The following RBM39 variants were observed in gnomAD, a reference collection of about 807,000 sequenced individuals.
RBM39 encodes the protein RNA-binding protein 39.
RBM39 carries 12 observed loss-of-function variants against 79.6 expected under a neutral mutation model. The ratio of observed to expected loss-of-function variants is 0.15; its 90% confidence interval spans 0.10 to 0.24. RBM39 has a LOEUF of 0.24. Ranked by LOEUF, RBM39 falls within the 10% of genes least tolerant of loss-of-function variation. RBM39 has a pLI of 1.00. For synonymous variants in RBM39, 185 were observed against 208.4 expected, an observed-to-expected ratio of 0.89 and a Z score of 0.97; for missense variants, 243 against 653.4, an observed-to-expected ratio of 0.37 and a Z score of 6.85.
intron 8 of RBM39, among the ~76,000 whole-genome samples, chr20:35,723,681 G>A (rs1435815244): frequency 6.6e-5 from 10 of 151,912 alleles, no homozygotes; most frequent in Non-Finnish European, 4.4e-5. Flanking sequence ...CAGGTGATCC[G>A]CCCGCCTCAA....
chr20:35,714,141 A>G, intron 11 of RBM39, 44 bp downstream of exon 11: 1 of 1,582,186 alleles, frequency 6.3e-7, no homozygotes, highest in Non-Finnish European at 8.7e-7. Flanking sequence ...CTTTTCCACT[A>G]CAATACCCAC....
At chr20:35,704,629 C>T (rs751756762) in intron 16 of RBM39, 39 bp downstream of exon 16, 2 of 1,610,386 alleles carry the variant, frequency 1.2e-6, no homozygotes, top group East Asian at 2.2e-5. Flanking sequence ...CATTATAGAG[C>T]CTTAATAACA....
chr20:35,714,515 G>A, intron 10 of RBM39, 126 bp from the exon 11 acceptor site: 5 of 1,315,888 alleles, frequency 3.8e-6, no homozygotes, highest in Non-Finnish European at 5.0e-6. Context: ...GGTAGAAACT[G>A]CAAGCTGTAA....
rs759627336 is a variant in RBM39 at position 35,725,213 on chromosome 20, T to A, written c.417-58A>T. The A allele has an allele frequency of 2.5e-6, 3 of 1,218,170 alleles. No homozygotes were observed. In the East Asian group the frequency reaches 7.7e-5, roughly 31 times the overall value. 75.5% of individuals were successfully genotyped at this position (1,218,170 alleles called of 1,614,324 possible). On this transcript the variant is annotated intron_variant, in intron 6 of 16. Transcript: ENST00000253363. ...ATAACAGATTTTAAAATAATTTTTATCTTTTTTATTTCTTCATATAGTTCA... is the reference window on the plus strand; with the variant it reads ...ATAACAGATTTTAAAATAATTTTTAACTTTTTTATTTCTTCATATAGTTCA...
intron 10 of RBM39, among the ~76,000 whole-genome samples, chr20:35,715,059 C>CA (rs1214141529): frequency 6.6e-6 from 1 of 152,152 alleles, no homozygotes; most frequent in Non-Finnish European, 1.5e-5. Context: ...GATTTGCTAT[C>CA]AACATAGCAA....
chr20:35,741,047 TTTTTGAGACGGAG>T (rs2040468759), intron 1 of RBM39, among the ~76,000 whole-genome samples, 160 bp from the exon 2 acceptor site: 1 of 137,118 alleles, frequency 7.3e-6, no homozygotes, highest in African/African-American at 2.7e-5. Context: ...TTTTTTTTTT[TTTTTGAGACGGAG>T]TTTCGCTCTA....
In RBM39 at chr20:35,702,194, A is replaced by T. The variant is rs1321262045; in HGVS notation, c.*2287T>A. The T allele has an allele frequency of 6.6e-6, 1 of 152,222 alleles. No individual in the cohort carries two copies. The highest frequency in any genetic ancestry group is 2.4e-5 in the African/African-American group (1 of 41,460). The allele number at this position is 152,222 out of a possible 1,614,324, so 9.4% of individuals were successfully genotyped here. On this transcript the variant is annotated 3_prime_UTR_variant, in exon 17 of 17. Transcript: ENST00000253363. ...AAACAGAACTTTCAAAGATGGTAGT[A>T]ATTATTATAAAGATAAAAGAAAACT...
rs960717952 is a variant in RBM39, at chr20:35,740,892, G to A, written c.-13-5C>T. On this transcript the variant is annotated splice_region_variant and splice_polypyrimidine_tract_variant and intron_variant, in intron 1 of 16. Coordinates refer to ENST00000253363, the MANE Select transcript of RBM39 (RefSeq NM_184234.3). ...TCTGCCATTTTCTCTAAACGCCTAGGAAGAGAACAAGACAATTTCTTGAGT... is the reference window on the plus strand; with the variant it reads ...TCTGCCATTTTCTCTAAACGCCTAGAAAGAGAACAAGACAATTTCTTGAGT... The A allele has an allele frequency of 5.0e-6, 8 of 1,601,134 alleles. No individual in the cohort carries two copies. The highest frequency in any genetic ancestry group is 1.7e-5 in the Admixed American group (1 of 58,978).
At chr20:35,714,446 C>A (rs1343980219) in intron 10 of RBM39, 57 bp from the exon 11 acceptor site, 1 of 1,495,738 alleles carries the variant, frequency 6.7e-7, no homozygotes, top group African/African-American at 1.4e-5. Context: ...AAAATACAAA[C>A]TATACTTAAA....
chr20:35,704,949 T>C (rs909915561), intron 15 of RBM39: 5 of 598,696 alleles, frequency 8.4e-6, no homozygotes, highest in Non-Finnish European at 1.5e-5. Flanking sequence ...ATCTTTTCTC[T>C]ACGATTTGTA....
At chr20:35,731,806 A>G (rs2039396942) in intron 4 of RBM39, 135 bp downstream of exon 4, 2 of 883,626 alleles carry the variant, frequency 2.3e-6, no homozygotes. Context: ...ATTCAATGCC[A>G]ATATCCTTAA....
intron 10 of RBM39, 33 bp downstream of exon 10, chr20:35,716,707 A>AC (rs759349318): frequency 1.5e-6 from 2 of 1,335,726 alleles, no homozygotes; most frequent in Non-Finnish European, 2.1e-6. Context: ...AAAAAAAAAA[A>AC]CCCTAAGTAA....
intron 4 of RBM39, chr20:35,731,723 A>C (rs1009243166): frequency 1.6e-5 from 9 of 565,954 alleles, no homozygotes; most frequent in Non-Finnish European, 1.9e-5. Context: ...AGTTTAACAG[A>C]AAATAGTCAG....
intron 12 of RBM39, among the ~76,000 whole-genome samples, chr20:35,712,718 C>T (rs553102881): frequency 2.6e-5 from 4 of 151,894 alleles, no homozygotes; most frequent in African/African-American, 7.2e-5. Flanking sequence ...AATATTTTTT[C>T]GATCAAACAA....
At chr20:35,720,946 A>C (rs2037851149) in intron 9 of RBM39, among the ~76,000 whole-genome samples, 1 of 151,600 alleles carries the variant, frequency 6.6e-6, no homozygotes. Context: ...GAGACAGAGT[A>C]ATGTCTTTTT....
rs144984528 is a variant in RBM39, at chr20:35,718,296, G to GT, written c.826-1492dup. 9.1e-3 allele frequency among the ~76,000 whole-genome samples: 1,387 copies of GT among 152,148 alleles called. 23 individuals carry two copies. Among genetic ancestry groups the GT allele is most frequent in the African/African-American group, 0.032 (1,330 of 41,506 alleles). On this transcript the variant is annotated intron_variant, in intron 9 of 16. Transcript: ENST00000253363. Reference sequence around the variant, plus strand: ...ACAAAACAAAACAAAAAAAAAACGGGTAAGGGCTGCCTCTAGAAAAGGAGT... The same window carrying GT: ...ACAAAACAAAACAAAAAAAAAACGGGTTAAGGGCTGCCTCTAGAAAAGGAGT...
At chr20:35,707,647 AAATT>A (rs1287807459) in intron 13 of RBM39, 2 of 180,408 alleles carry the variant, frequency 1.1e-5, no homozygotes, top group East Asian at 1.8e-4. Context: ...TTAAATCTAC[AAATT>A]ATTAAAGAAT....
At position 35,729,343 on chromosome 20, in the gene RBM39, T is replaced by C. The variant is rs2039113710; in HGVS notation, c.385A>G (p.Ser129Gly). The C allele has an allele frequency of 6.2e-7, 1 of 1,604,900 alleles. No individual in the cohort carries two copies. Among genetic ancestry groups the C allele is most frequent in the African/African-American group, 1.3e-5 (1 of 74,146 alleles). Residue 129 changes from serine to glycine, a missense_variant, in exon 6 of 17, where the codon AGT (serine) becomes GGT (glycine). By Grantham distance (56) the Ser-to-Gly change is moderately conservative. Transcript: ENST00000253363. Reference protein sequence around the residue: ...KLSRRRSRSKSPFRKDKSPVR... With the variant: ...KLSRRRSRSKGPFRKDKSPVR... ...GGGCTCTTGTCTTTTCTGAATGGAC[T>C]TTTGCTTCGGGAACGTCGTCTGCTG...
intron 6 of RBM39, among the ~76,000 whole-genome samples, chr20:35,727,749 A>C (rs1484422926): frequency 6.6e-6 from 1 of 151,416 alleles, no homozygotes; most frequent in African/African-American, 2.4e-5. Flanking sequence ...TCTTGGGTTC[A>C]AGCGATTCTC....
Sources: allele counts gnomAD v4.1 joint callset (sites outside exome capture counted in the v4.1 genomes callset), GRCh38; gene constraint gnomAD v4.1.1; transcripts MANE v1.5; gene names NCBI Gene and HGNC (gene_info 2026-07-23, HGNC 2026-07-21).